CNOT1: variants seen among roughly 807,000 people sequenced by gnomAD.
CNOT1 encodes CCR4-associated factor 1.
A neutral mutation model predicts 273.8 loss-of-function variants in CNOT1; 15 were observed. The observed-to-expected ratio is 0.05, with a 90% CI of 0.04 to 0.08. CNOT1 has a LOEUF of 0.08. Ranked by LOEUF, CNOT1 falls within the 10% of genes least tolerant of loss-of-function variation. CNOT1 has a pLI of 1.00. For synonymous variants in CNOT1, 1,022 were observed against 1,005.5 expected, an observed-to-expected ratio of 1.02 and a Z score of -0.31; for missense variants, 1,644 against 2,912.2, an observed-to-expected ratio of 0.56 and a Z score of 10.02.
At position 58,547,171 on chromosome 16, in the gene CNOT1, T is replaced by C. The variant is rs771494367; in HGVS notation, c.3750+15A>G. On this transcript the variant is annotated intron_variant, in intron 27 of 48. Transcript: ENST00000317147. This position sits in a 1 kb window ranked among gnomAD's most constrained non-coding sequence, Gnocchi z 4.0. ...TTAGAAATTAGTCATAAATAAAATA[T>C]TAAAATCTACTCACCACACTACGAA... 20 of 1,600,964 alleles carry C rather than the reference T, an allele frequency of 1.2e-5. No individual in the cohort carries two copies. Among genetic ancestry groups the C allele is most frequent in the South Asian group, 2.3e-5 (2 of 87,718 alleles).
intron 1 of CNOT1, 63 bp from the exon 2 acceptor site, chr16:58,599,574 G>A: frequency 1.9e-6 from 1 of 537,854 alleles, no homozygotes; most frequent in Non-Finnish European, 3.2e-6. Context: ...AAGGAGGCTG[G>A]TCCAGGCGCA....
intron 1 of CNOT1, among the ~76,000 whole-genome samples, chr16:58,622,686 A>G (rs983280187): frequency 7.9e-5 from 12 of 151,076 alleles, no homozygotes; most frequent in Non-Finnish European, 1.6e-4. Flanking sequence ...GTCTCTACTA[A>G]AAATACAAAA....
At chr16:58,617,610 G>A (rs746367284) in intron 1 of CNOT1, among the ~76,000 whole-genome samples, 15 of 152,192 alleles carry the variant, frequency 9.9e-5, no homozygotes, top group East Asian at 1.9e-4. Flanking sequence ...AACCTCTATC[G>A]CCAACAAAGA....
At chr16:58,596,000 G>A (rs1234580039) in intron 2 of CNOT1, among the ~76,000 whole-genome samples, 1 of 152,184 alleles carries the variant, frequency 6.6e-6, no homozygotes, top group Non-Finnish European at 1.5e-5. Flanking sequence ...TTTTCTTTTG[G>A]GATGAAGGTA....
At chr16:58,545,895 T>A (rs2040244094) in intron 29 of CNOT1, among the ~76,000 whole-genome samples, 2 of 152,170 alleles carry the variant, frequency 1.3e-5, no homozygotes, top group Admixed American at 6.5e-5. Context: ...CAACTCCCAA[T>A]CATTCAACAC....
At chr16:58,611,827 A>C (rs1321945745) in intron 1 of CNOT1, among the ~76,000 whole-genome samples, 1 of 152,088 alleles carries the variant, frequency 6.6e-6, no homozygotes, top group African/African-American at 2.4e-5. Flanking sequence ...TCTCAAAAAA[A>C]AAAAAAAAAG....
At chr16:58,581,219 G>A in intron 11 of CNOT1, 126 bp downstream of exon 11, 1 of 1,096,360 alleles carries the variant, frequency 9.1e-7, no homozygotes, top group Non-Finnish European at 1.3e-6. Flanking sequence ...GACAGTCCTT[G>A]CTTTTCTGTG....
Position 58,553,953 on chromosome 16 carries a change from T to C in CNOT1, c.2892-93A>G. Reference sequence around the variant, plus strand: ...TCCAAATGCTAATCTAGGTCATTTTTTTCCATCTTACCTATGAATAACTTA... The same window carrying C: ...TCCAAATGCTAATCTAGGTCATTTTCTTCCATCTTACCTATGAATAACTTA... On this transcript the variant is annotated intron_variant, in intron 21 of 48. Transcript: ENST00000317147. The C allele has an allele frequency of 3.5e-6, 5 of 1,422,776 alleles. No homozygotes were observed. In the East Asian group the frequency reaches 8.2e-5, roughly 23 times the overall value. The allele number at this position is 1,422,776 out of a possible 1,614,324, so 88.1% of individuals were successfully genotyped here.
chr16:58,530,439 T>C (rs1421414467), intron 42 of CNOT1, 92 bp from the exon 43 acceptor site: 3 of 793,502 alleles, frequency 3.8e-6, no homozygotes, highest in Non-Finnish European at 6.1e-6. Context: ...ACTTATCTTC[T>C]TCATGCTAAT....
At chr16:58,581,781 C>A (rs1226949661) in intron 10 of CNOT1, among the ~76,000 whole-genome samples, 1 of 152,106 alleles carries the variant, frequency 6.6e-6, no homozygotes, top group Non-Finnish European at 1.5e-5. Context: ...CGTGCCTCAG[C>A]CTCCCAAGTA....
chr16:58,534,513 A>G, intron 39 of CNOT1, 118 bp from the exon 40 acceptor site: 1 of 1,119,718 alleles, frequency 8.9e-7, no homozygotes. Context: ...CATATTTCTA[A>G]TTCTTACATT....
intron 2 of CNOT1, 26 bp downstream of exon 2, chr16:58,599,210 A>G (rs1367976738): frequency 6.2e-7 from 1 of 1,614,000 alleles, no homozygotes; most frequent in Admixed American, 1.7e-5. Context: ...CTTTAATGGC[A>G]CTTGTTTTCT....
chr16:58,583,961 G>T (rs1597509413), intron 8 of CNOT1, among the ~76,000 whole-genome samples: 1 of 151,874 alleles, frequency 6.6e-6, no homozygotes, highest in African/African-American at 2.4e-5. Context: ...GAGGTCAGGA[G>T]ATCAAGACCA....
chr16:58,627,202 T>G (rs943212421), intron 1 of CNOT1, among the ~76,000 whole-genome samples: 2 of 151,468 alleles, frequency 1.3e-5, no homozygotes, highest in Non-Finnish European at 2.9e-5. Context: ...AAGTTAAGAG[T>G]TCGAGACCAT....
At chr16:58,599,927 G>A (rs577697509) in intron 1 of CNOT1, among the ~76,000 whole-genome samples, 40 of 152,144 alleles carry the variant, frequency 2.6e-4, no homozygotes, top group African/African-American at 9.4e-4. Context: ...GCCAGGCATG[G>A]TGGTGCACGC....
At position 58,599,441 on chromosome 16, in the gene CNOT1, A is replaced by G. The variant is rs965036830; in HGVS notation, c.-104T>C. 2.4e-5 allele frequency: 33 copies of G among 1,380,678 alleles called. No homozygotes were observed. The highest frequency in any genetic ancestry group is 2.3e-4 in the African/African-American group (16 of 69,972). 85.5% of individuals were successfully genotyped at this position (1,380,678 alleles called of 1,614,324 possible). On this transcript the variant is annotated 5_prime_UTR_variant, in exon 2 of 49. Transcript: ENST00000317147. Reference sequence around the variant, plus strand: ...TTAATGCTTTCTTTGTAATTAGGCTATATCTGGTATCTGTATAATATCTTC... The same window carrying G: ...TTAATGCTTTCTTTGTAATTAGGCTGTATCTGGTATCTGTATAATATCTTC...
chr16:58,592,341 A>T (rs988877370), intron 2 of CNOT1, among the ~76,000 whole-genome samples: 1 of 148,086 alleles, frequency 6.8e-6, no homozygotes, highest in Non-Finnish European at 1.5e-5. Flanking sequence ...AAACTGACTT[A>T]AAAAAAAAAA....
chr16:58,581,635 G>T, intron 10 of CNOT1, 120 bp from the exon 11 acceptor site: 12 of 1,388,928 alleles, frequency 8.6e-6, no homozygotes, highest in South Asian at 3.4e-5. Context: ...AATTTTTAAT[G>T]TGAATTTTAA....
intron 12 of CNOT1, among the ~76,000 whole-genome samples, chr16:58,580,124 C>T (rs1177738969): frequency 5.3e-5 from 8 of 152,036 alleles, no homozygotes; most frequent in Non-Finnish European, 1.0e-4. Flanking sequence ...GCAGGAGAAT[C>T]GCTTAAACCG....
Sources: allele counts gnomAD v4.1 joint callset (sites outside exome capture counted in the v4.1 genomes callset), GRCh38; gene constraint gnomAD v4.1.1; non-coding constraint Gnocchi (gnomAD v3.1); transcripts MANE v1.5; gene names NCBI Gene and HGNC (gene_info 2026-07-23, HGNC 2026-07-21).